The following ARMC8 variants were observed in gnomAD, a reference collection of about 807,000 sequenced individuals.
ARMC8 encodes the protein armadillo repeat-containing protein 8.
ARMC8 carries 20 observed loss-of-function variants against 99.3 expected under a neutral mutation model. The observed-to-expected ratio is 0.20, with a 90% CI of 0.14 to 0.29. The LOEUF (loss-of-function observed/expected upper bound fraction) is 0.29. Among genes scored for constraint, ARMC8 ranks in the 10% least tolerant of loss-of-function variants. ARMC8 has a pLI of 1.00. For synonymous variants in ARMC8, 263 were observed against 278.3 expected (o/e 0.95, Z 0.55); for missense variants, 569 against 809.5 (o/e 0.70, Z 3.60).
rs1036917806 is a variant in ARMC8 at position 138,252,563 on chromosome 3, C to T, written c.1134+7380C>T. The stretch of plus-strand genomic sequence containing the variant: ...CCGTCTCCTGGGTTCAAGCGATTCT[C>T]CTGCCTCAGCCTCCCAAGTAGCTGA... On this transcript the variant is annotated intron_variant, in intron 12 of 21. Transcript: ENST00000469044. Among the ~76,000 whole-genome samples the T allele has an allele frequency of 2.6e-5, 4 of 151,422 alleles. No homozygotes were observed. The East Asian group carries it at 5.8e-4, about 22-fold the overall frequency.
At chr3:138,287,554 C>G (rs1329591681) in intron 19 of ARMC8, 24 of 448,862 alleles carry the variant, frequency 5.3e-5, no homozygotes, top group Non-Finnish European at 8.1e-5. Flanking sequence ...ATAGTATATA[C>G]AAGCTCATTT....
At chr3:138,269,224 G>T (rs2048556456) in intron 15 of ARMC8, among the ~76,000 whole-genome samples, 1 of 152,182 alleles carries the variant, frequency 6.6e-6, no homozygotes, top group Non-Finnish European at 1.5e-5. Flanking sequence ...GTACAGTTGA[G>T]AAATGTATAC....
At chr3:138,245,264 AG>A in intron 12 of ARMC8, 81 bp downstream of exon 12, 1 of 1,614,028 alleles carries the variant, frequency 6.2e-7, no homozygotes, top group Non-Finnish European at 8.5e-7. Context: ...CGTGGTGAAG[AG>A]CACTAACAGT....
At chr3:138,215,573 CT>C (rs1314922871) in intron 2 of ARMC8, among the ~76,000 whole-genome samples, 1 of 152,102 alleles carries the variant, frequency 6.6e-6, no homozygotes, top group East Asian at 1.9e-4. Context: ...TTGTTCCATA[CT>C]GTTCTAACAC....
chr3:138,189,433 G>A (rs2043252536), intron 1 of ARMC8, among the ~76,000 whole-genome samples: 1 of 152,128 alleles, frequency 6.6e-6, no homozygotes, highest in Non-Finnish European at 1.5e-5. Context: ...AGTGAAACCT[G>A]TACCTTTCAA....
chr3:138,232,576 A>T (rs551479351), intron 6 of ARMC8, among the ~76,000 whole-genome samples: 2 of 152,234 alleles, frequency 1.3e-5, no homozygotes, highest in African/African-American at 4.8e-5. Flanking sequence ...AAAACAATCT[A>T]AGTGTCTAAC....
chr3:138,187,853 G>GTGGCTGGGCTTATAGACAAC (rs2043155072), intron 1 of ARMC8: 1 of 555,368 alleles, frequency 1.8e-6, no homozygotes, highest in East Asian at 3.0e-5. Context: ...GGCAGGCGGG[G>GTGGCTGGGCTTATAGACAAC]TGGCTGGGCT....
At chr3:138,204,542 T>A (rs1005730355) in intron 1 of ARMC8, among the ~76,000 whole-genome samples, 1 of 152,202 alleles carries the variant, frequency 6.6e-6, no homozygotes, top group Admixed American at 6.5e-5. Context: ...TTCTGGTTCT[T>A]CTTTTCCCAT....
chr3:138,277,758 A>G (rs779670059), intron 18 of ARMC8, among the ~76,000 whole-genome samples: 5 of 152,228 alleles, frequency 3.3e-5, no homozygotes, highest in African/African-American at 1.2e-4. Context: ...TATACGTGCC[A>G]TACGACCCAG....
chr3:138,268,905 T>C, intron 15 of ARMC8, among the ~76,000 whole-genome samples: 2 of 152,376 alleles, frequency 1.3e-5, no homozygotes, highest in Middle Eastern at 6.8e-3. Context: ...AGTATTATTT[T>C]AATTTATTAT....
At chr3:138,194,598 A>G (rs2043602368) in intron 1 of ARMC8, among the ~76,000 whole-genome samples, 1 of 151,404 alleles carries the variant, frequency 6.6e-6, no homozygotes, top group South Asian at 2.1e-4. Context: ...TTGGCCTCCC[A>G]AAGTGCTGGG....
chr3:138,191,152 C>T (rs1283164906), intron 1 of ARMC8, among the ~76,000 whole-genome samples: 1 of 152,164 alleles, frequency 6.6e-6, no homozygotes, highest in Non-Finnish European at 1.5e-5. Flanking sequence ...AGAAGTAACA[C>T]TTTGTCTTGC....
At chr3:138,208,819 A>G (rs1322405022) in intron 1 of ARMC8, among the ~76,000 whole-genome samples, 1 of 152,220 alleles carries the variant, frequency 6.6e-6, no homozygotes, top group Non-Finnish European at 1.5e-5. Context: ...ACCCTCCAAA[A>G]TAAGTATTAC....
At chr3:138,251,324 A>C (rs1353616605) in intron 12 of ARMC8, among the ~76,000 whole-genome samples, 1 of 152,224 alleles carries the variant, frequency 6.6e-6, no homozygotes, top group African/African-American at 2.4e-5. Context: ...AGGGCACAGC[A>C]TCAAAATTTT....
At chr3:138,200,584 T>C (rs1239652591) in intron 1 of ARMC8, among the ~76,000 whole-genome samples, 1 of 152,150 alleles carries the variant, frequency 6.6e-6, no homozygotes, top group East Asian at 1.9e-4. Flanking sequence ...CCACTAGATA[T>C]CAGTAGCATT....
At chr3:138,260,434 C>T (rs2047647155) in intron 12 of ARMC8, among the ~76,000 whole-genome samples, 1 of 152,150 alleles carries the variant, frequency 6.6e-6, no homozygotes, top group Admixed American at 6.6e-5. Context: ...TTCCATTTCC[C>T]CTGCTTCACC....
intron 18 of ARMC8, among the ~76,000 whole-genome samples, chr3:138,280,463 G>A (rs1208389996): frequency 6.7e-6 from 1 of 148,282 alleles, no homozygotes; most frequent in African/African-American, 2.5e-5. Context: ...AATTACAGGT[G>A]CCCACCACCA....
chr3:138,200,904 CTTTTT>C (rs34087212), intron 1 of ARMC8, among the ~76,000 whole-genome samples: 28 of 63,376 alleles, frequency 4.4e-4, no homozygotes, highest in Non-Finnish European at 6.4e-4. Flanking sequence ...CTTCAGTGGG[CTTTTT>C]TTTTTTTTTT....
intron 1 of ARMC8, among the ~76,000 whole-genome samples, chr3:138,206,101 A>G (rs1238123140): frequency 6.6e-6 from 1 of 152,224 alleles, no homozygotes; most frequent in East Asian, 1.9e-4. Context: ...GCAAGTCTTC[A>G]GTATCTGATG....
Sources: allele counts gnomAD v4.1 joint callset (sites outside exome capture counted in the v4.1 genomes callset), GRCh38; gene constraint gnomAD v4.1.1; transcripts MANE v1.5; gene names NCBI Gene and HGNC (gene_info 2026-07-23, HGNC 2026-07-21).